Variants in ZMYM1 observed in about 807,000 individuals in gnomAD.
ZMYM1 encodes the protein zinc finger MYM-type containing 1, also known as zinc finger MYM-type protein 1.
ZMYM1 carries 39 observed loss-of-function variants against 60.0 expected under a neutral mutation model. The observed-to-expected ratio is 0.65, with a 90% CI of 0.50 to 0.85. The LOEUF is 0.85. ZMYM1 is among the 40% of genes least tolerant of loss of function. The pLI, the probability that ZMYM1 is intolerant of heterozygous loss-of-function variation, is 0.00. For synonymous variants in ZMYM1, 413 were observed against 454.0 expected (o/e 0.91, Z 1.15); for missense variants, 1,171 against 1,309.5 (o/e 0.89, Z 1.63).
intron 1 of ZMYM1, among the ~76,000 whole-genome samples, chr1:35,080,057 G>A (rs1642290861): frequency 6.6e-6 from 1 of 151,488 alleles, no homozygotes; most frequent in African/African-American, 2.4e-5. Flanking sequence ...GTTGCATTTA[G>A]TCGAGATCGT....
chr1:35,085,610 G>C (rs1173060968), intron 1 of ZMYM1, among the ~76,000 whole-genome samples: 3 of 152,158 alleles, frequency 2.0e-5, no homozygotes, highest in African/African-American at 7.2e-5. Context: ...TCCTGACCCT[G>C]AAACCACCTC....
chr1:35,083,105 T>C (rs922335718), intron 1 of ZMYM1, among the ~76,000 whole-genome samples: 3 of 152,170 alleles, frequency 2.0e-5, no homozygotes, highest in African/African-American at 7.2e-5. Context: ...AGTAGATTTT[T>C]CCCCAGCACT....
chr1:35,118,601 G>A (rs1254586317), downstream of ZMYM1, among the ~76,000 whole-genome samples: 1 of 152,048 alleles, frequency 6.6e-6, no homozygotes, highest in Non-Finnish European at 1.5e-5. Context: ...CAGCTACTGG[G>A]GAGGCTGAGG....
intron 4 of ZMYM1, among the ~76,000 whole-genome samples, chr1:35,103,840 C>CT (rs1238496119): frequency 6.6e-6 from 1 of 152,152 alleles, no homozygotes; most frequent in African/African-American, 2.4e-5. Flanking sequence ...ATTCTCTGTC[C>CT]TATAGATTCT....
Position 35,113,118 on chromosome 1 carries a change from T to G in ZMYM1, c.1288T>G (p.Ser430Ala). 1.2e-6 allele frequency: 2 copies of G among 1,613,906 alleles called. No individual in the cohort carries two copies. Among genetic ancestry groups the G allele is most frequent in the Non-Finnish European group, 1.7e-6 (2 of 1,179,928 alleles). ...AGAAGTACAAAAAGACAATATGAAA[T>G]CTATGAAAATAAGTGATGAACTATG... ...STEVQKDNMK[S>A]MKISDELCHP... The change falls in exon 10 of 10, where the codon TCT (serine) becomes GCT (alanine). Residue 430 changes from serine to alanine, a missense_variant. Physicochemically the swap from Ser to Ala is moderately conservative, Grantham distance 99. Transcript: ENST00000359858.
At chr1:35,063,432 C>T (rs544489290) in intron 1 of ZMYM1, among the ~76,000 whole-genome samples, 13 of 152,196 alleles carry the variant, frequency 8.5e-5, no homozygotes, top group South Asian at 4.2e-4. Context: ...TTTAGCCTCC[C>T]GAGTATCTGG....
chr1:35,090,165 C>G (rs950066582), intron 1 of ZMYM1, among the ~76,000 whole-genome samples: 2 of 152,054 alleles, frequency 1.3e-5, no homozygotes, highest in African/African-American at 4.8e-5. Context: ...CTCGGCCTCC[C>G]CAAGTGCTGG....
chr1:35,068,500 A>G (rs1439886310), intron 1 of ZMYM1, among the ~76,000 whole-genome samples: 1 of 151,438 alleles, frequency 6.6e-6, no homozygotes, highest in Non-Finnish European at 1.5e-5. Flanking sequence ...ACATAGATTC[A>G]TGTAACAGAG....
chr1:35,062,688 A>G (rs557180004), intron 1 of ZMYM1, among the ~76,000 whole-genome samples: 1 of 152,358 alleles, frequency 6.6e-6, no homozygotes, highest in African/African-American at 2.4e-5. Context: ...TTATAGCAAC[A>G]GAAACCGGGT....
At chr1:35,100,239 T>A (rs543950240) in intron 4 of ZMYM1, among the ~76,000 whole-genome samples, 1 of 152,154 alleles carries the variant, frequency 6.6e-6, no homozygotes, top group East Asian at 1.9e-4. Context: ...TGATTTAATA[T>A]CTGTTTTGAG....
downstream of ZMYM1, among the ~76,000 whole-genome samples, chr1:35,117,680 C>T (rs2148583272): frequency 6.6e-6 from 1 of 152,114 alleles, no homozygotes; most frequent in Middle Eastern, 3.4e-3. Context: ...GTGGCTCACA[C>T]TTGTAATCAC....
downstream of ZMYM1, among the ~76,000 whole-genome samples, chr1:35,118,257 A>AG (rs1243544263): frequency 6.6e-6 from 1 of 151,916 alleles, no homozygotes; most frequent in African/African-American, 2.4e-5. Flanking sequence ...AAAAAAAAAA[A>AG]AAGAAAATAG....
upstream of ZMYM1, among the ~76,000 whole-genome samples, chr1:35,077,907 G>A (rs761796503): frequency 9.2e-5 from 14 of 152,266 alleles, no homozygotes; most frequent in East Asian, 1.2e-3. Context: ...TTTAGGTAGC[G>A]GGCAAGGTGA....
intron 1 of ZMYM1, among the ~76,000 whole-genome samples, chr1:35,090,413 C>T (rs995867504): frequency 2.6e-5 from 4 of 152,060 alleles, no homozygotes; most frequent in African/African-American, 9.7e-5. Context: ...GGAGGGATAG[C>T]ATTAGAAGCT....
intron 1 of ZMYM1, among the ~76,000 whole-genome samples, chr1:35,073,011 G>A (rs1239868320): frequency 6.6e-6 from 1 of 152,034 alleles, no homozygotes; most frequent in African/African-American, 2.4e-5. Flanking sequence ...GAACCTGGGA[G>A]GCAGAGGTTG....
At chr1:35,065,948 C>A (rs1428839784) in intron 1 of ZMYM1, among the ~76,000 whole-genome samples, 2 of 151,976 alleles carry the variant, frequency 1.3e-5, no homozygotes, top group African/African-American at 4.8e-5. Context: ...GTGAAATGGA[C>A]CAAGAGTTCA....
Position 35,113,834 on chromosome 1 carries a change from A to G in ZMYM1, c.2004A>G (p.Lys668=). Residue 668 remains lysine (K), a synonymous_variant, in exon 10 of 10, where the codon AAA becomes AAG. Coordinates refer to ENST00000359858, the MANE Select transcript of ZMYM1 (RefSeq NM_024772.5). Reference sequence around the variant, plus strand: ...CAATTTGTGTAAGATACCCACAAAAATCATCAAAGGCTATCTTAATTAAGG... The same window carrying G: ...CAATTTGTGTAAGATACCCACAAAAGTCATCAAAGGCTATCTTAATTAAGG... ...QLSICVRYPQ[K]SSKAILIKER... 1 of 1,613,758 alleles carries G rather than the reference A, an allele frequency of 6.2e-7. No homozygotes were observed. The highest frequency in any genetic ancestry group is 8.5e-7 in the Non-Finnish European group (1 of 1,179,844).
intron 1 of ZMYM1, among the ~76,000 whole-genome samples, chr1:35,079,792 C>A (rs1642272073): frequency 6.6e-6 from 1 of 152,194 alleles, no homozygotes; most frequent in African/African-American, 2.4e-5. Context: ...CTGTATCTCT[C>A]CTTCATTGAG....
At chr1:35,064,686 C>CT (rs34080777) in intron 1 of ZMYM1, among the ~76,000 whole-genome samples, 2,030 of 112,940 alleles carry the variant, frequency 0.018, 40 homozygotes, top group South Asian at 0.025. Flanking sequence ...CAATATATTT[C>CT]TTTTTTTTTT....
Sources: gnomAD v4.1 joint callset for allele counts (sites outside exome capture counted in the v4.1 genomes callset) on GRCh38, gnomAD v4.1.1 for gene constraint, MANE v1.5 for transcripts, NCBI Gene and HGNC (gene_info 2026-07-23, HGNC 2026-07-21) for gene names.